Variants in DAAM1 observed in about 807,000 individuals in gnomAD.
DAAM1 encodes disheveled-associated activator of morphogenesis 1.
Under a neutral mutation model 130.0 loss-of-function variants are expected in DAAM1, and 52 were observed. The ratio of observed to expected loss-of-function variants is 0.40; its 90% confidence interval spans 0.32 to 0.50. DAAM1 has a LOEUF of 0.50. Among genes scored for constraint, DAAM1 ranks in the 20% least tolerant of loss-of-function variants. DAAM1 has a pLI of 0.61. For missense variants in DAAM1, 1,134 were observed against 1,303.8 expected (o/e 0.87, Z 2.01); for synonymous variants, 452 against 444.5 (o/e 1.02, Z -0.21).
chr14:59,242,749 AG>A (rs1157779967), intron 1 of DAAM1, among the ~76,000 whole-genome samples: 1 of 152,028 alleles, frequency 6.6e-6, no homozygotes, highest in Non-Finnish European at 1.5e-5. Flanking sequence ...TAGTAGAAAC[AG>A]GGTTTCACCG....
intron 1 of DAAM1, among the ~76,000 whole-genome samples, chr14:59,213,196 C>T (rs950925670): frequency 2.0e-5 from 3 of 151,766 alleles, no homozygotes; most frequent in Non-Finnish European, 4.4e-5. Context: ...TATTATGTGC[C>T]GTGGAGTCCC....
In DAAM1 at chr14:59,331,435, T is replaced by C. The variant is rs745771651; in HGVS notation, c.1787T>C (p.Leu596Pro). ...IMPPPGAPMG[L>P]ALKKKSIPQP... is the part of the protein sequence containing the mutation. ...CCACCTCCTGGTGCTCCAATGGGCC[T>C]AGCACTGAAGAAGAAAAGCATTCCT... The change falls in exon 14 of 25, where the codon CTA (leucine) becomes CCA (proline). Residue 596 changes from leucine (L) to proline (P), a missense_variant. Transcript: ENST00000360909. 6.8e-6 allele frequency: 11 copies of C among 1,613,730 alleles called. No individual in the cohort carries two copies. Among genetic ancestry groups the C allele is most frequent in the Non-Finnish European group, 8.5e-6 (10 of 1,179,926 alleles).
chr14:59,277,305 A>G (rs919554064), intron 2 of DAAM1, among the ~76,000 whole-genome samples: 3 of 152,022 alleles, frequency 2.0e-5, no homozygotes, highest in Non-Finnish European at 4.4e-5. Flanking sequence ...TTTCTGATTT[A>G]TGTAGGTTTC....
In DAAM1 at chr14:59,368,820, C is replaced by T. The variant is rs1275308103; in HGVS notation, c.3168C>T (p.Asp1056=). Residue 1056 remains aspartate (D), a synonymous_variant, in exon 25 of 25, where the codon GAC becomes GAT. Coordinates refer to ENST00000360909, the MANE Select transcript of DAAM1 (RefSeq NM_001270520.2). ...AACGTATTACCAACCAGATGACTGACAGCAGCAGAGAGAGACCAATCACAA... is the reference window on the plus strand; with the variant it reads ...AACGTATTACCAACCAGATGACTGATAGCAGCAGAGAGAGACCAATCACAA... ...NRKRITNQMT[D]SSRERPITKL... 1 of 1,613,896 alleles carries T rather than the reference C, an allele frequency of 6.2e-7. No individual in the cohort carries two copies. Among genetic ancestry groups the T allele is most frequent in the Non-Finnish European group, 8.5e-7 (1 of 1,179,900 alleles).
intron 4 of DAAM1, among the ~76,000 whole-genome samples, chr14:59,318,054 A>G (rs1884859397): frequency 1.3e-5 from 2 of 152,162 alleles, no homozygotes; most frequent in African/African-American, 4.8e-5. Flanking sequence ...TGTAAGCCTC[A>G]TTACAAGAAT....
In DAAM1 at chr14:59,320,604, C is replaced by T; in HGVS notation, c.440+20C>T. The T allele has an allele frequency of 1.3e-6, 2 of 1,491,034 alleles. No homozygotes were observed. The highest frequency in any genetic ancestry group is 1.4e-5 in the South Asian group (1 of 72,574). The allele number at this position is 1,491,034 out of a possible 1,614,324, so 92.4% of individuals were successfully genotyped here. A position where few individuals can be genotyped will look rare whatever the true frequency, so the allele number is the denominator to read the frequency against. ...AATGAGGTAATTTTCCCCTGGATGGCATGTTTTTTTTTTTTCTCTCCTTCC... is the reference window on the plus strand; with the variant it reads ...AATGAGGTAATTTTCCCCTGGATGGTATGTTTTTTTTTTTTCTCTCCTTCC... On this transcript the variant is annotated intron_variant, in intron 5 of 24. Coordinates refer to ENST00000360909, the MANE Select transcript of DAAM1 (RefSeq NM_001270520.2).
intron 1 of DAAM1, among the ~76,000 whole-genome samples, chr14:59,227,785 G>A (rs1888986882): frequency 1.3e-5 from 2 of 152,158 alleles, no homozygotes; most frequent in Admixed American, 6.6e-5. Context: ...GCACACAGAG[G>A]ACACGTAGTC....
chr14:59,288,862 C>A (rs113365183), intron 2 of DAAM1, among the ~76,000 whole-genome samples: 1,915 of 87,394 alleles, frequency 0.022, 39 homozygotes, highest in African/African-American at 0.086. Context: ...AGAGAGAGAG[C>A]GCGCGAAGGG....
intron 1 of DAAM1, among the ~76,000 whole-genome samples, chr14:59,241,707 A>G (rs1377173096): frequency 2.0e-5 from 3 of 152,224 alleles, no homozygotes; most frequent in East Asian, 1.9e-4. Context: ...TATTTAACTT[A>G]TCAAAGATCA....
At chr14:59,305,559 T>G (rs558980700) in intron 3 of DAAM1, among the ~76,000 whole-genome samples, 1 of 152,204 alleles carries the variant, frequency 6.6e-6, no homozygotes, top group Non-Finnish European at 1.5e-5. Context: ...TAGCTAAGTG[T>G]TGTGGCTGCT....
chr14:59,370,154 T>A lies in DAAM1; in HGVS notation c.*1295T>A, dbSNP rs1300267750. The A allele has an allele frequency of 9.7e-6, 1 of 103,474 alleles. No homozygotes were observed. 6.4% of individuals were successfully genotyped at this position (103,474 alleles called of 1,614,324 possible). A position where few individuals can be genotyped will look rare whatever the true frequency, so the allele number is the denominator to read the frequency against. ...ACTGTTACTTTTTTACTTTTTTTTT[T>A]TTTTTTTTTTTTTTTTGGCTTTGCT... On this transcript the variant is annotated 3_prime_UTR_variant, in exon 25 of 25. Transcript: ENST00000360909.
intron 2 of DAAM1, among the ~76,000 whole-genome samples, chr14:59,289,777 T>G (rs1883647635): frequency 9.4e-6 from 1 of 105,830 alleles, no homozygotes. Flanking sequence ...GATATATATA[T>G]ATATATAATG....
chr14:59,245,061 G>A (rs898271934), intron 1 of DAAM1, among the ~76,000 whole-genome samples: 2 of 152,146 alleles, frequency 1.3e-5, no homozygotes, highest in African/African-American at 2.4e-5. Context: ...GGACGGGGGG[G>A]CCAGGGGAAA....
At chr14:59,367,771 GTA>G (rs1285336782) in intron 24 of DAAM1, among the ~76,000 whole-genome samples, 172 bp downstream of exon 24, 1 of 151,804 alleles carries the variant, frequency 6.6e-6, no homozygotes, top group Non-Finnish European at 1.5e-5. Flanking sequence ...ATTTAACAGT[GTA>G]TATTCAAAGC....
intron 1 of DAAM1, among the ~76,000 whole-genome samples, chr14:59,220,693 G>C (rs921636331): frequency 6.6e-6 from 1 of 152,170 alleles, no homozygotes; most frequent in African/African-American, 2.4e-5. Context: ...ATAGCCAATG[G>C]TGGTGCTGGC....
chr14:59,222,475 G>A (rs1888805623), intron 1 of DAAM1, among the ~76,000 whole-genome samples: 1 of 152,194 alleles, frequency 6.6e-6, no homozygotes, highest in African/African-American at 2.4e-5. Context: ...GGGGCTCAGT[G>A]TTGGTCTTTG....
intron 17 of DAAM1, among the ~76,000 whole-genome samples, chr14:59,349,316 C>T (rs1886198673): frequency 6.6e-6 from 1 of 152,270 alleles, no homozygotes; most frequent in Non-Finnish European, 1.5e-5. Context: ...CAAAATTCCT[C>T]CTTGAGGGAA....
chr14:59,355,842 T>C (rs529428642), intron 20 of DAAM1, among the ~76,000 whole-genome samples: 4 of 152,172 alleles, frequency 2.6e-5, no homozygotes, highest in Non-Finnish European at 5.9e-5. Flanking sequence ...GGTGTTAGAA[T>C]ATGAAGCTTT....
chr14:59,367,618 G>T lies in DAAM1; in HGVS notation c.2997+19G>T. ...AGCTCAGGTGAGAGGATGATTAATT[G>T]ACCAATTCCACCTCCTAGAAGTTCT... On this transcript the variant is annotated intron_variant, in intron 24 of 24. Transcript: ENST00000360909. 6.2e-7 allele frequency: 1 copy of T among 1,607,038 alleles called. No individual in the cohort carries two copies. Among genetic ancestry groups the T allele is most frequent in the South Asian group, 1.1e-5 (1 of 90,340 alleles).
Sources: allele counts gnomAD v4.1 joint callset (sites outside exome capture counted in the v4.1 genomes callset), GRCh38; gene constraint gnomAD v4.1.1; transcripts MANE v1.5; gene names NCBI Gene and HGNC (gene_info 2026-07-23, HGNC 2026-07-21).